PARVB: variants seen among roughly 807,000 people sequenced by gnomAD.
PARVB encodes beta-parvin.
PARVB carries 46 observed loss-of-function variants against 47.0 expected under a neutral mutation model. The observed-to-expected ratio is 0.98, with a 90% CI of 0.77 to 1.25. The LOEUF (loss-of-function observed/expected upper bound fraction) is 1.25, where lower values mean the gene tolerates loss of function less well. Among genes scored for constraint, PARVB ranks in the 50% most tolerant of loss-of-function variants. PARVB has a pLI of 0.00. For missense variants in PARVB, 473 were observed against 471.6 expected, an observed-to-expected ratio of 1.00 and a Z score of -0.03; for synonymous variants, 196 against 196.3, an observed-to-expected ratio of 1.00 and a Z score of 0.01.
In PARVB at chr22:44,136,519, G is replaced by C; in HGVS notation, c.692+1G>C. ...CGGAGGAGCTGACCACAACTACAGA[G>C]TAAGTGGACCCCTGTCTTGCCCTTC... On this transcript the variant is annotated splice_donor_variant, in intron 7 of 12. Coordinates refer to ENST00000338758, the MANE Select transcript of PARVB (RefSeq NM_013327.5). LOFTEE classifies it high-confidence loss of function. The C allele has an allele frequency of 6.2e-7, 1 of 1,613,348 alleles. No individual in the cohort carries two copies.
chr22:44,000,613 G>T (rs1197406499), intron 2 of PARVB, among the ~76,000 whole-genome samples: 6 of 152,186 alleles, frequency 3.9e-5, no homozygotes, highest in African/African-American at 1.4e-4. Flanking sequence ...GAAGTTGTTC[G>T]ATTGACGCAT....
At chr22:44,032,985 G>T (rs1225575816) in intron 1 of PARVB, among the ~76,000 whole-genome samples, 1 of 152,212 alleles carries the variant, frequency 6.6e-6, no homozygotes, top group East Asian at 1.9e-4. Flanking sequence ...ACAGCTAGTT[G>T]GCTGTTGGTA....
intron 1 of PARVB, among the ~76,000 whole-genome samples, chr22:44,069,705 T>C (rs546936400): frequency 6.6e-6 from 1 of 151,736 alleles, no homozygotes; most frequent in East Asian, 1.9e-4. Context: ...ATTTTTGTAT[T>C]TTTAGTAGAG....
rs558061822 is a variant in PARVB at position 44,162,472 on chromosome 22, C to T, written c.946-1386C>T. On this transcript the variant is annotated intron_variant, in intron 11 of 12. Transcript: ENST00000338758. The stretch of plus-strand genomic sequence containing the variant: ...AAATAGCTGGGATTACAGGTGTGCA[C>T]CACCATGCCCGGCTAATTTTTGTAT... 7.9e-5 allele frequency among the ~76,000 whole-genome samples: 12 copies of T among 152,048 alleles called. 1 individual carries two copies. In the South Asian group the frequency reaches 2.5e-3, roughly 32 times the overall value.
rs1375346775 is a variant in PARVB at position 44,172,308 on chromosome 22, C to T, written c.*3630C>T. 6 of 152,340 alleles carry T rather than the reference C, an allele frequency of 3.9e-5. No homozygotes were observed. Among genetic ancestry groups the T allele is most frequent in the South Asian group, 4.1e-4 (2 of 4,830 alleles). 9.4% of individuals were successfully genotyped at this position (152,340 alleles called of 1,614,324 possible). A position where few individuals can be genotyped will look rare whatever the true frequency, so the allele number is the denominator to read the frequency against. Reference sequence around the variant, plus strand: ...GTTCAGAGAAATTCTGGGACCCTTCCTCCTCCCGGCACCACGTTTTCAGTG... The same window carrying T: ...GTTCAGAGAAATTCTGGGACCCTTCTTCCTCCCGGCACCACGTTTTCAGTG... On this transcript the variant is annotated 3_prime_UTR_variant, in exon 13 of 13. Coordinates refer to ENST00000338758, the MANE Select transcript of PARVB (RefSeq NM_013327.5).
chr22:44,020,954 TA>T (rs1468543360), upstream of PARVB, among the ~76,000 whole-genome samples: 1 of 152,120 alleles, frequency 6.6e-6, no homozygotes, highest in Non-Finnish European at 1.5e-5. Flanking sequence ...CTAATTTTTG[TA>T]TTTTTAGTAG....
At chr22:44,047,009 C>G (rs1241862906) in intron 1 of PARVB, among the ~76,000 whole-genome samples, 1 of 152,186 alleles carries the variant, frequency 6.6e-6, no homozygotes, top group East Asian at 1.9e-4. Context: ...GTTTGTCTTC[C>G]TTCCCCCACC....
intron 4 of PARVB, 23 bp downstream of exon 4, chr22:44,119,163 T>G: frequency 2.0e-6 from 3 of 1,491,448 alleles, no homozygotes; most frequent in Non-Finnish European, 2.8e-6. Context: ...CAGGGACAGC[T>G]CTGTCCCACC....
intron 12 of PARVB, 98 bp from the exon 13 acceptor site, chr22:44,168,504 G>T (rs546670328): frequency 1.2e-6 from 1 of 802,852 alleles, no homozygotes; most frequent in African/African-American, 1.7e-5. Flanking sequence ...GTGTGGATGC[G>T]GCAGCTGGTG....
intron 1 of PARVB, among the ~76,000 whole-genome samples, chr22:44,037,415 C>T (rs1382118275): frequency 6.6e-6 from 1 of 152,020 alleles, no homozygotes; most frequent in Non-Finnish European, 1.5e-5. Flanking sequence ...AGACTGAGAC[C>T]CTGTCTCAAA....
intron 2 of PARVB, among the ~76,000 whole-genome samples, chr22:44,005,933 G>C (rs980806796): frequency 1.3e-5 from 2 of 152,010 alleles, no homozygotes; most frequent in East Asian, 3.9e-4. Context: ...TTGTTTCTTT[G>C]TTTGTGCGTT....
chr22:44,092,441 C>G (rs755574773), intron 1 of PARVB, among the ~76,000 whole-genome samples: 4 of 152,110 alleles, frequency 2.6e-5, no homozygotes, highest in South Asian at 4.2e-4. Context: ...TATTTTGAGT[C>G]CTGCAGCTAT....
chr22:44,039,550 G>GA (rs923488864), intron 1 of PARVB, among the ~76,000 whole-genome samples: 1 of 149,122 alleles, frequency 6.7e-6, no homozygotes, highest in Non-Finnish European at 1.5e-5. Flanking sequence ...CAAAAAGAAA[G>GA]AAAAAAAAAA....
At chr22:44,131,690 A>T in intron 5 of PARVB, 63 bp downstream of exon 5, 1 of 1,510,328 alleles carries the variant, frequency 6.6e-7, no homozygotes, top group Non-Finnish European at 8.9e-7. Context: ...GACATTCGTC[A>T]TCCACATTTG....
intron 1 of PARVB, among the ~76,000 whole-genome samples, chr22:44,061,093 A>C (rs1208917051): frequency 6.6e-6 from 1 of 152,088 alleles, no homozygotes; most frequent in Non-Finnish European, 1.5e-5. Flanking sequence ...TGCACTTGGG[A>C]ACACTAGGAG....
At position 44,030,606 on chromosome 22, in the gene PARVB, G is replaced by A. The variant is rs1208575238; in HGVS notation, c.112+6155G>A. Among the ~76,000 whole-genome samples the A allele has an allele frequency of 4.6e-5, 7 of 152,114 alleles. No individual in the cohort carries two copies. The East Asian group carries it at 1.4e-3, about 29-fold the overall frequency. On this transcript the variant is annotated intron_variant, in intron 1 of 12. Coordinates refer to ENST00000338758, the MANE Select transcript of PARVB (RefSeq NM_013327.5). Reference sequence around the variant, plus strand: ...GGGGGAACGGCGGGGAGGCAGGCTGGCAGGAATGTGGCACGGGGCACAGGC... The same window carrying A: ...GGGGGAACGGCGGGGAGGCAGGCTGACAGGAATGTGGCACGGGGCACAGGC...
chr22:44,000,062 C>T (rs933768734), intron 2 of PARVB, among the ~76,000 whole-genome samples: 3 of 152,072 alleles, frequency 2.0e-5, no homozygotes, highest in African/African-American at 7.2e-5. Flanking sequence ...GGCCCTGGCT[C>T]TTGCCCTGTT....
At chr22:44,027,371 G>A (rs568520138) in intron 1 of PARVB, among the ~76,000 whole-genome samples, 26 of 152,274 alleles carry the variant, frequency 1.7e-4, no homozygotes, top group African/African-American at 5.1e-4. Context: ...GCGGATGGCC[G>A]GCCCTGGCCA....
intron 1 of PARVB, among the ~76,000 whole-genome samples, chr22:44,040,134 G>A (rs2050992504): frequency 1.3e-5 from 2 of 152,164 alleles, no homozygotes; most frequent in Admixed American, 1.3e-4. Flanking sequence ...ATACGCAGGT[G>A]CAGCATTTGT....
Sources: allele counts gnomAD v4.1 joint callset (sites outside exome capture counted in the v4.1 genomes callset), GRCh38; gene constraint gnomAD v4.1.1; transcripts MANE v1.5; gene names NCBI Gene and HGNC (gene_info 2026-07-23, HGNC 2026-07-21).